Variants in ZBTB4 observed in about 807,000 individuals in gnomAD.
ZBTB4 encodes the protein zinc finger and BTB domain containing 4.
ZBTB4 carries 14 observed loss-of-function variants against 59.8 expected under a neutral mutation model. That is an observed-to-expected ratio of 0.23 (90% CI 0.15 to 0.37). The LOEUF is 0.37. Ranked by LOEUF, ZBTB4 falls within the 10% of genes least tolerant of loss-of-function variation. ZBTB4 has a pLI of 1.00. For synonymous variants in ZBTB4, 587 were observed against 575.2 expected (o/e 1.02, Z -0.29); for missense variants, 1,198 against 1,380.8 (o/e 0.87, Z 2.10).
Position 7,463,706 on chromosome 17 carries a change from G to C in ZBTB4, c.1276C>G (p.Pro426Ala). The change falls in exon 4 of 4, where the codon CCC (proline) becomes GCC (alanine). Residue 426 changes from proline to alanine, a missense_variant. Physicochemically the swap from Pro to Ala is conservative, Grantham distance 27. This residue lies in a region of ZBTB4 where 60 missense variants were observed against 93.0 expected (regional missense o/e 0.64). Transcript: ENST00000380599. ...RLLPMRAAKR[P>A]YKTYSQGAPE... The stretch of plus-strand genomic sequence containing the variant: ...GCTCCCTGGCTGTAGGTCTTGTAGG[G>C]CCGCTTGGCTGCCCGCATGGGGAGC... 6.2e-7 allele frequency: 1 copy of C among 1,613,950 alleles called. No homozygotes were observed. The highest frequency in any genetic ancestry group is 8.5e-7 in the Non-Finnish European group (1 of 1,179,986).
rs1334274974 is a variant in ZBTB4 at position 7,472,495 on chromosome 17, A to AT, written c.-80-5169dup. On this transcript the variant is annotated intron_variant, in intron 1 of 3. Coordinates refer to ENST00000380599, the MANE Select transcript of ZBTB4 (RefSeq NM_001128833.2). ...TGAGCCACCGCGCCCAGCCTGGCTA[A>AT]TTTTTTTGTATTTTTAGTAGAGGTG... 7.3e-5 allele frequency among the ~76,000 whole-genome samples: 11 copies of AT among 151,144 alleles called. No individual in the cohort carries two copies. The South Asian group carries it at 1.5e-3, about 20-fold the overall frequency.
intron 1 of ZBTB4, among the ~76,000 whole-genome samples, chr17:7,467,623 A>G (rs953036210): frequency 1.3e-5 from 2 of 152,152 alleles, no homozygotes; most frequent in African/African-American, 4.8e-5. Flanking sequence ...TCCAAACAAT[A>G]TAGTAGCACA....
chr17:7,475,383 G>A (rs1294808041), intron 1 of ZBTB4, among the ~76,000 whole-genome samples: 1 of 152,016 alleles, frequency 6.6e-6, no homozygotes, highest in African/African-American at 2.4e-5. Context: ...TGACCACTCT[G>A]GAGTCCTCAC....
At chr17:7,469,531 G>A (rs1474438271) in intron 1 of ZBTB4, among the ~76,000 whole-genome samples, 3 of 150,926 alleles carry the variant, frequency 2.0e-5, no homozygotes, top group African/African-American at 7.3e-5. Context: ...GGGAGGCCAA[G>A]GCGGGCGGAT....
intron 1 of ZBTB4, among the ~76,000 whole-genome samples, chr17:7,475,011 CAAAAAAAAAAAAAAAA>C (rs56936340): frequency 2.7e-5 from 1 of 37,482 alleles, no homozygotes; most frequent in African/African-American, 9.1e-5. Context: ...GACTCTGCCT[CAAAAAAAAAAAAAAAA>C]AAAAAAAAGG....
At position 7,463,064 on chromosome 17, in the gene ZBTB4, C is replaced by G. The variant is rs1431397899; in HGVS notation, c.1918G>C (p.Glu640Gln). 1.9e-6 allele frequency: 3 copies of G among 1,611,318 alleles called. No individual in the cohort carries two copies. Among genetic ancestry groups the G allele is most frequent in the Non-Finnish European group, 1.7e-6 (2 of 1,179,664 alleles). ...TCCTCCTCTTCGTCCTCCTCCTCTT[C>G]GTCCTCCTCACTCTCCTCCATCTCC... ...GEEMEESEED[E>Q]EEEDEEEEEE... is the part of the protein sequence containing the mutation. Residue 640 changes from glutamate to glutamine, a missense_variant, in exon 4 of 4, where the codon GAA (glutamate) becomes CAA (glutamine). Around this residue, in one of 9 missense-constraint regions of ZBTB4, gnomAD observed 550 missense variants for 541.8 expected, o/e 1.02. Transcript: ENST00000380599.
At position 7,462,044 on chromosome 17, in the gene ZBTB4, C is replaced by T. The variant is rs2070028218; in HGVS notation, c.2938G>A (p.Ala980Thr). Residue 980 changes from alanine (A) to threonine (T), a missense_variant, in exon 4 of 4, where the codon GCC (alanine) becomes ACC (threonine). Physicochemically the swap from Ala to Thr is moderately conservative, Grantham distance 58. This residue lies in a region of ZBTB4 where 211 missense variants were observed against 236.1 expected (regional missense o/e 0.89). Transcript: ENST00000380599. The surrounding 1 kb of genome is among the most constrained non-coding windows in gnomAD (Gnocchi z 7.5). ...GTTGGGGGAGGTGGTGTTGGTGGGG[C>T]AGGGGGTGCTGCTTGAGGATTCACT... Reference protein sequence around the residue: ...YAVNPQAAPPAPPTPPPPTLP... With the variant: ...YAVNPQAAPPTPPTPPPPTLP... 1 of 1,600,870 alleles carries T rather than the reference C, an allele frequency of 6.2e-7. No individual in the cohort carries two copies. Among genetic ancestry groups the T allele is most frequent in the Non-Finnish European group, 8.5e-7 (1 of 1,173,198 alleles).
chr17:7,483,155 G>A, upstream of ZBTB4: 2 of 1,403,142 alleles, frequency 1.4e-6, no homozygotes, highest in East Asian at 2.5e-5. Context: ...TGGTGGAGAG[G>A]GACTACCTGG....
rs749423536 is a variant in ZBTB4, at chr17:7,463,029, ATCCTCC to A, written c.1947_1952del (p.Glu649_Glu650del). The A allele has an allele frequency of 2.1e-5, 33 of 1,608,616 alleles. No homozygotes were observed. The highest frequency in any genetic ancestry group is 1.6e-4 in the Middle Eastern group (1 of 6,076). Reference sequence around the variant, plus strand: ...CCCCACCAGCCTTTGATTCCTCCTCATCCTCCTCCTCCTCCTCTTCGTCCTCCTCCT... The same window carrying A: ...CCCCACCAGCCTTTGATTCCTCCTCATCCTCCTCCTCTTCGTCCTCCTCCT... On this transcript the variant is annotated inframe_deletion, in exon 4 of 4. Transcript: ENST00000380599.
chr17:7,477,445 C>A (rs569336140), intron 1 of ZBTB4, among the ~76,000 whole-genome samples: 90 of 152,324 alleles, frequency 5.9e-4, no homozygotes, highest in African/African-American at 2.1e-3. Flanking sequence ...GCTCCCACGG[C>A]AGCCACCCCT....
chr17:7,462,093 G>A lies in ZBTB4; in HGVS notation c.2889C>T (p.Phe963=). 8 of 1,605,670 alleles carry A rather than the reference G, an allele frequency of 5.0e-6. No homozygotes were observed. The highest frequency in any genetic ancestry group is 6.0e-6 in the Non-Finnish European group (7 of 1,175,234). Residue 963 remains phenylalanine, a synonymous_variant, in exon 4 of 4, where the codon TTC becomes TTT. Transcript: ENST00000380599. This position sits in a 1 kb window ranked among gnomAD's most constrained non-coding sequence, Gnocchi z 7.5. ...PDEKGAGALP[F]LPGVFGYAVN... ...CTGCGTAGCCAAAGACCCCTGGTAG[G>A]AAGGGAAGGGCCCCCGCACCCTTCT...
Position 7,461,931 on chromosome 17 carries a change from C to T in ZBTB4, c.*9G>A, listed in dbSNP as rs745811486. 11 of 1,527,532 alleles carry T rather than the reference C, an allele frequency of 7.2e-6. No individual in the cohort carries two copies. The highest frequency in any genetic ancestry group is 8.8e-6 in the Non-Finnish European group (10 of 1,136,110). The allele number at this position is 1,527,532 out of a possible 1,614,324, so 94.6% of individuals were successfully genotyped here. On this transcript the variant is annotated 3_prime_UTR_variant, in exon 4 of 4. Coordinates refer to ENST00000380599, the MANE Select transcript of ZBTB4 (RefSeq NM_001128833.2). ...GGCATCTGGTGAAAGGGGGATTGAGCCCCAGGGTTCACCCCACATCGCCCT... is the reference window on the plus strand; with the variant it reads ...GGCATCTGGTGAAAGGGGGATTGAGTCCCAGGGTTCACCCCACATCGCCCT...
At chr17:7,467,718 G>C (rs2070147434) in intron 1 of ZBTB4, among the ~76,000 whole-genome samples, 1 of 152,216 alleles carries the variant, frequency 6.6e-6, no homozygotes, top group Non-Finnish European at 1.5e-5. Flanking sequence ...GGAAGTCAAA[G>C]ATTTGCATGT....
upstream of ZBTB4, chr17:7,483,278 G>C: frequency 1.7e-6 from 1 of 581,852 alleles, no homozygotes; most frequent in Non-Finnish European, 3.0e-6. Flanking sequence ...CTGAGGCAGG[G>C]AGGCCGTGGG....
chr17:7,463,953 C>T (rs890447386), intron 3 of ZBTB4, 63 bp from the exon 4 acceptor site: 6 of 1,546,242 alleles, frequency 3.9e-6, no homozygotes, highest in Middle Eastern at 1.8e-4. Flanking sequence ...GCCCTGAAGC[C>T]TCCCAGGTCC....
In ZBTB4 at chr17:7,463,023, C is replaced by T. The variant is rs886351987; in HGVS notation, c.1959G>A (p.Glu653=). The change falls in exon 4 of 4, where the codon GAG becomes GAA. Residue 653 remains glutamate, a synonymous_variant. Coordinates refer to ENST00000380599, the MANE Select transcript of ZBTB4 (RefSeq NM_001128833.2). ...GGTCCTCCCCACCAGCCTTTGATTC[C>T]TCCTCATCCTCCTCCTCCTCCTCTT... The part of the protein sequence containing the change: ...EDEEEEEEDE[E]ESKAGGEDQL... 15 of 1,610,728 alleles carry T rather than the reference C, an allele frequency of 9.3e-6. No individual in the cohort carries two copies. The highest frequency in any genetic ancestry group is 1.3e-5 in the African/African-American group (1 of 75,030).
upstream of ZBTB4, among the ~76,000 whole-genome samples, chr17:7,480,636 C>T (rs1317156363): frequency 6.6e-6 from 1 of 151,992 alleles, no homozygotes; most frequent in Non-Finnish European, 1.5e-5. Flanking sequence ...AGGAGAATGG[C>T]GTGAACCTGG....
chr17:7,466,629 G>A lies in ZBTB4; in HGVS notation c.173C>T (p.Ala58Val). Reference protein sequence around the residue: ...LAASSPFFREALLTSAPLPLP... With the variant: ...LAASSPFFREVLLTSAPLPLP... ...GGGTAGTGGGGCTGAAGTGAGCAGG[G>A]CCTCTCTGAAGAAGGGACTTGAAGC... is the stretch of plus-strand genomic sequence containing the variant. Residue 58 changes from alanine to valine, a missense_variant, in exon 3 of 4, where the codon GCC becomes GTC. Physicochemically the swap from Ala to Val is moderately conservative, Grantham distance 64. Around this residue, in one of 9 missense-constraint regions of ZBTB4, gnomAD observed 44 missense variants for 86.2 expected, o/e 0.51. Transcript: ENST00000380599. The surrounding 1 kb of genome is among the most constrained non-coding windows in gnomAD (Gnocchi z 9.1). The A allele has an allele frequency of 6.2e-7, 1 of 1,613,918 alleles. No individual in the cohort carries two copies. The highest frequency in any genetic ancestry group is 1.1e-5 in the South Asian group (1 of 90,980).
rs2070137355 is a variant in ZBTB4, at chr17:7,466,982, C to T, written c.-9-172G>A. 6.6e-6 allele frequency among the ~76,000 whole-genome samples: 1 copy of T among 152,182 alleles called. No individual in the cohort carries two copies. Among genetic ancestry groups the T allele is most frequent in the African/African-American group, 2.4e-5 (1 of 41,424 alleles). On this transcript the variant is annotated intron_variant, in intron 2 of 3. Transcript: ENST00000380599. The surrounding 1 kb of genome is among the most constrained non-coding windows in gnomAD (Gnocchi z 9.1). ...TGGCCCTTAGCCACCCAAGTCTGGC[C>T]AGCATCCAAGACCAGTATGTCTAAC... is the stretch of plus-strand genomic sequence containing the variant.
Sources: allele counts gnomAD v4.1 joint callset (sites outside exome capture counted in the v4.1 genomes callset), GRCh38; gene constraint gnomAD v4.1.1; regional missense constraint gnomAD v4.1.1; non-coding constraint Gnocchi (gnomAD v3.1); transcripts MANE v1.5; gene names NCBI Gene and HGNC (gene_info 2026-07-23, HGNC 2026-07-21).